The following RPGRIP1L variants were observed in gnomAD, a reference collection of about 807,000 sequenced individuals.
RPGRIP1L encodes protein fantom.
In RPGRIP1L, 131 loss-of-function variants were observed where a neutral mutation model predicts 160.4. The ratio of observed to expected loss-of-function variants is 0.82; its 90% confidence interval spans 0.71 to 0.94. The LOEUF (loss-of-function observed/expected upper bound fraction) is 0.94, where lower values mean the gene tolerates loss of function less well. Among genes scored for constraint, RPGRIP1L ranks in the 40% least tolerant of loss-of-function variants. The pLI is 0.00. For missense variants in RPGRIP1L, 1,522 were observed against 1,535.8 expected (o/e 0.99, Z 0.15); for synonymous variants, 510 against 515.8 (o/e 0.99, Z 0.15).
chr16:53,603,858 T>C (rs924367740), intron 26 of RPGRIP1L, among the ~76,000 whole-genome samples: 7 of 152,136 alleles, frequency 4.6e-5, no homozygotes, highest in African/African-American at 1.7e-4. Context: ...ACTTCTCACT[T>C]CTATGGTTGC....
chr16:53,660,891 T>TAAAA (rs534819342), intron 10 of RPGRIP1L, among the ~76,000 whole-genome samples: 1 of 117,030 alleles, frequency 8.5e-6, no homozygotes, highest in Non-Finnish European at 1.8e-5. Context: ...AGACTACATC[T>TAAAA]AAAAAAAAAA....
At position 53,654,163 on chromosome 16, in the gene RPGRIP1L, C is replaced by T. The variant is rs151043671; in HGVS notation, c.1700-1176G>A. On this transcript the variant is annotated intron_variant, in intron 14 of 26. Coordinates refer to ENST00000647211, the MANE Select transcript of RPGRIP1L (RefSeq NM_015272.5). ...AATATTTTTAGTAGATGGGGTTTTG[C>T]CATGTTGGCCATGCTGGTCTTGAAC... Among the ~76,000 whole-genome samples, 344 of 152,264 alleles carry T rather than the reference C, an allele frequency of 2.3e-3. 2 individuals are homozygous for T. The highest frequency in any genetic ancestry group is 4.0e-3 in the Non-Finnish European group (273 of 68,026).
intron 17 of RPGRIP1L, among the ~76,000 whole-genome samples, chr16:53,644,150 G>A (rs956197764): frequency 2.0e-5 from 3 of 152,282 alleles, no homozygotes; most frequent in Middle Eastern, 3.4e-3. Context: ...GCAACATAGC[G>A]AGACCCCTAA....
intron 9 of RPGRIP1L, among the ~76,000 whole-genome samples, chr16:53,669,071 T>C (rs1968504831): frequency 6.6e-6 from 1 of 152,210 alleles, no homozygotes; most frequent in African/African-American, 2.4e-5. Flanking sequence ...ATGTTATCAT[T>C]ATGACTAAGC....
At chr16:53,637,041 A>G (rs1168912750) in intron 21 of RPGRIP1L, among the ~76,000 whole-genome samples, 1 of 151,936 alleles carries the variant, frequency 6.6e-6, no homozygotes, top group Non-Finnish European at 1.5e-5. Flanking sequence ...GCTGGGGTAC[A>G]GTGGCTATTC....
Position 53,696,348 on chromosome 16 carries a change from A to G in RPGRIP1L, c.86-53T>C. 3.2e-6 allele frequency: 5 copies of G among 1,578,514 alleles called. No individual in the cohort carries two copies. The South Asian group carries it at 4.4e-5, about 14-fold the overall frequency. ...TGAGGTTACTTAAAATAGTCTCTAG[A>G]AACTCTTGATATTAATATAATCTCT... is the stretch of plus-strand genomic sequence containing the variant. On this transcript the variant is annotated intron_variant, in intron 2 of 26. Coordinates refer to ENST00000647211, the MANE Select transcript of RPGRIP1L (RefSeq NM_015272.5).
chr16:53,653,129 A>C (rs1489516398), intron 14 of RPGRIP1L, 142 bp from the exon 15 acceptor site: 48 of 877,894 alleles, frequency 5.5e-5, no homozygotes, highest in Non-Finnish European at 7.9e-5. Context: ...TTCTGTAAAT[A>C]ATACTTTATC....
intron 3 of RPGRIP1L, chr16:53,694,419 A>G (rs577519156): frequency 6.6e-6 from 1 of 150,514 alleles, no homozygotes; most frequent in African/African-American, 2.4e-5. Context: ...CCTGGGCAAC[A>G]AAGACTTCCT....
rs187912004 is a variant in RPGRIP1L, at chr16:53,599,780, A to G, written c.*2296T>C. On this transcript the variant is annotated 3_prime_UTR_variant, in exon 27 of 27. Coordinates refer to ENST00000647211, the MANE Select transcript of RPGRIP1L (RefSeq NM_015272.5). ...TAAAACAAACAAAATTCTCAAACAG[A>G]TTATGAAACCCAACTGAAGTATCCA... The G allele has an allele frequency of 7.2e-4, 110 of 152,336 alleles. No individual in the cohort carries two copies. The highest frequency in any genetic ancestry group is 2.6e-3 in the African/African-American group (110 of 41,576). The allele number at this position is 152,336 out of a possible 1,614,324, so 9.4% of individuals were successfully genotyped here.
intron 21 of RPGRIP1L, among the ~76,000 whole-genome samples, chr16:53,637,391 C>G (rs1598290701): frequency 6.6e-6 from 1 of 152,088 alleles, no homozygotes; most frequent in Admixed American, 6.6e-5. Flanking sequence ...GACCTCTACG[C>G]TAATGCAAAT....
intron 16 of RPGRIP1L, among the ~76,000 whole-genome samples, chr16:53,647,333 T>C (rs906738349): frequency 6.6e-6 from 1 of 152,184 alleles, no homozygotes; most frequent in Non-Finnish European, 1.5e-5. Flanking sequence ...ACGGAATACA[T>C]AGTAGAAATA....
At position 53,622,363 on chromosome 16, in the gene RPGRIP1L, C is replaced by CAAA. The variant is rs113083177; in HGVS notation, c.3295-10_3295-8dup. 55 of 440,714 alleles carry CAAA rather than the reference C, an allele frequency of 1.2e-4. No homozygotes were observed. The highest frequency in any genetic ancestry group is 5.8e-4 in the Middle Eastern group (1 of 1,736). 27.3% of individuals were successfully genotyped at this position (440,714 alleles called of 1,614,324 possible). On this transcript the variant is annotated splice_polypyrimidine_tract_variant and splice_region_variant and intron_variant, in intron 22 of 26. Transcript: ENST00000647211. ...CGGGAGACAATGCGAGACTCTGTCTCAAAAAAAAAAAAAAAATCTTAAGAT... is the reference window on the plus strand; with the variant it reads ...CGGGAGACAATGCGAGACTCTGTCTCAAAAAAAAAAAAAAAAAAATCTTAAGAT...
rs552056656 is a variant in RPGRIP1L, at chr16:53,652,871, G to C, written c.1816C>G (p.Leu606Val). The C allele has an allele frequency of 8.7e-6, 14 of 1,612,702 alleles. No homozygotes were observed. In the South Asian group the frequency reaches 1.4e-4, roughly 17 times the overall value. ...ETIHLERGENLFEIHINKVTF... is the reference protein window; with the variant it reads ...ETIHLERGENVFEIHINKVTF... ...ACTTTGTTGATATGGATTTCAAATA[G>C]ATTTTCGCCTCGTTCTAAGTGGATG... Residue 606 changes from leucine (L) to valine (V), a missense_variant, in exon 15 of 27, where the codon CTA (leucine) becomes GTA (valine). By Grantham distance (32) the Leu-to-Val change is conservative (BLOSUM62 1). Transcript: ENST00000647211.
At chr16:53,612,902 C>T (rs968676804) in intron 24 of RPGRIP1L, among the ~76,000 whole-genome samples, 1 of 152,198 alleles carries the variant, frequency 6.6e-6, no homozygotes. Context: ...TAATCAATAA[C>T]TTTCCATTCT....
At chr16:53,702,538 C>A (rs1415833968) in intron 1 of RPGRIP1L, among the ~76,000 whole-genome samples, 1 of 152,196 alleles carries the variant, frequency 6.6e-6, no homozygotes, top group Non-Finnish European at 1.5e-5. Flanking sequence ...TCCTCGAACC[C>A]CCCATACCCT....
intron 16 of RPGRIP1L, among the ~76,000 whole-genome samples, chr16:53,648,307 G>C (rs1025529091): frequency 6.6e-6 from 1 of 152,096 alleles, no homozygotes; most frequent in Non-Finnish European, 1.5e-5. Flanking sequence ...TTCCCAGAAA[G>C]AGAATATTAA....
intron 3 of RPGRIP1L, chr16:53,695,764 G>T: frequency 2.9e-6 from 1 of 348,612 alleles, no homozygotes; most frequent in South Asian, 4.1e-5. Flanking sequence ...AATCTTAAGG[G>T]AATGTGCATT....
At chr16:53,651,986 A>G (rs1966859797) in intron 15 of RPGRIP1L, among the ~76,000 whole-genome samples, 1 of 152,174 alleles carries the variant, frequency 6.6e-6, no homozygotes, top group Non-Finnish European at 1.5e-5. Context: ...AATAAATTAC[A>G]TAATTTAGCC....
At chr16:53,691,126 TC>T (rs755568197) in intron 4 of RPGRIP1L, among the ~76,000 whole-genome samples, 2 of 151,824 alleles carry the variant, frequency 1.3e-5, no homozygotes, top group Non-Finnish European at 2.9e-5. Context: ...TTTTTTTAAT[TC>T]CTCAAAGAAT....
Sources: gnomAD v4.1 joint callset for allele counts (sites outside exome capture counted in the v4.1 genomes callset) on GRCh38, gnomAD v4.1.1 for gene constraint, MANE v1.5 for transcripts, NCBI Gene and HGNC (gene_info 2026-07-23, HGNC 2026-07-21) for gene names.